Variants in MANBA observed in about 807,000 individuals in gnomAD.
MANBA encodes mannosidase beta.
A neutral mutation model predicts 111.1 loss-of-function variants in MANBA; 83 were observed. That is an observed-to-expected ratio of 0.75 (90% CI 0.63 to 0.90). The LOEUF is 0.90. MANBA is among the 40% of genes least tolerant of loss of function. MANBA has a pLI of 0.00. For missense variants in MANBA, 1,036 were observed against 1,069.0 expected (o/e 0.97, Z 0.43); for synonymous variants, 370 against 378.7 (o/e 0.98, Z 0.27).
At chr4:102,641,000 T>G (rs1729856319) in intron 13 of MANBA, among the ~76,000 whole-genome samples, 1 of 152,204 alleles carries the variant, frequency 6.6e-6, no homozygotes, top group Admixed American at 6.5e-5. Context: ...CATATGGAGC[T>G]TATCAGCTTG....
rs1729412820 is a variant in MANBA at position 102,632,214 on chromosome 4, A to C, written c.2483T>G (p.Val828Gly). ...TGGGATGCTTCCTACATCCAACCAA[A>C]CAAAGGGAGCGACAGCTGAGGTCTC... ...DLETSAVAPF[V>G]WLDVGSIPGR... The change falls in exon 17 of 17, where the codon GTT becomes GGT. Residue 828 changes from valine to glycine, a missense_variant. Transcript: ENST00000647097. The C allele has an allele frequency of 3.1e-6, 5 of 1,613,752 alleles. No individual in the cohort carries two copies. In the South Asian group the frequency reaches 3.3e-5, roughly 11 times the overall value.
Position 102,689,665 on chromosome 4 carries a change from C to T in MANBA, c.869G>A (p.Trp290Ter). Residue 290 changes from tryptophan (W) to a stop codon, truncating the protein, a stop_gained, in exon 7 of 17, where the codon TGG becomes TAG. Coordinates refer to ENST00000647097, the MANE Select transcript of MANBA (RefSeq NM_005908.4). LOFTEE classifies it high-confidence loss of function. ...NISKNITVET[W>*]WPHGHGNQTG... ...CTGGTTTCCATGTCCATGAGGCCAC[C>T]AAGTTTCTACAGTAATATTCTTTTA... The T allele has an allele frequency of 6.3e-7, 1 of 1,595,438 alleles. No individual in the cohort carries two copies.
Position 102,664,718 on chromosome 4 carries a change from G to C in MANBA, c.1452C>G (p.Leu484=). 1 of 1,613,256 alleles carries C rather than the reference G, an allele frequency of 6.2e-7. No individual in the cohort carries two copies. The change falls in exon 11 of 17, where the codon CTC becomes CTG. Residue 484 remains leucine (L), a synonymous_variant. Coordinates refer to ENST00000647097, the MANE Select transcript of MANBA (RefSeq NM_005908.4). ...CGAGCTCTCTGATGTTTTTCACATAGAGTGTCACATAGTCCTTGATGTAGA... is the reference window on the plus strand; with the variant it reads ...CGAGCTCTCTGATGTTTTTCACATACAGTGTCACATAGTCCTTGATGTAGA... ...RPIYIKDYVT[L]YVKNIRELVL... is the part of the protein sequence containing the mutation.
intron 11 of MANBA, among the ~76,000 whole-genome samples, chr4:102,663,452 G>T (rs907628339): frequency 6.6e-5 from 10 of 152,048 alleles, no homozygotes; most frequent in Non-Finnish European, 1.3e-4. Flanking sequence ...TCAATATTGT[G>T]AATAAAAAGA....
chr4:102,733,822 T>A (rs1723114334), intron 1 of MANBA, among the ~76,000 whole-genome samples: 1 of 152,264 alleles, frequency 6.6e-6, no homozygotes, highest in South Asian at 2.1e-4. Context: ...ATGGATGCTT[T>A]CCTGATTCAT....
chr4:102,653,220 GCACACA>G (rs71596357), intron 12 of MANBA, among the ~76,000 whole-genome samples: 9,219 of 145,346 alleles, frequency 0.063, 307 homozygotes, highest in East Asian at 0.1. Flanking sequence ...AGATCTACAT[GCACACA>G]CACACACACA....
chr4:102,730,323 C>A (rs1722985805), intron 1 of MANBA, among the ~76,000 whole-genome samples: 1 of 152,150 alleles, frequency 6.6e-6, no homozygotes. Flanking sequence ...GATTTATCCA[C>A]ATTTCTCATG....
In MANBA at chr4:102,690,727, C is replaced by G. The variant is rs776952322; in HGVS notation, c.718G>C (p.Asp240His). ...EWNLEIESTF[D>H]VVSSKPVGGQ... ...CCAACTGGCTTTGAGCTGACAACAT[C>G]AAATGTAGACTCTATTTCCAGATTC... is the stretch of plus-strand genomic sequence containing the variant. The change falls in exon 6 of 17, where the codon GAT becomes CAT. Residue 240 changes from aspartate (D) to histidine (H), a missense_variant. Coordinates refer to ENST00000647097, the MANE Select transcript of MANBA (RefSeq NM_005908.4). The G allele has an allele frequency of 1.9e-6, 3 of 1,596,466 alleles. No homozygotes were observed. In the African/African-American group the frequency reaches 4.0e-5, roughly 21 times the overall value.
intron 1 of MANBA, among the ~76,000 whole-genome samples, chr4:102,750,669 T>G (rs1356558384): frequency 6.6e-6 from 1 of 152,168 alleles, no homozygotes; most frequent in Non-Finnish European, 1.5e-5. Flanking sequence ...TCCCTACACT[T>G]TGGGAGGCCG....
intron 2 of MANBA, among the ~76,000 whole-genome samples, chr4:102,724,933 G>A (rs1229478021): frequency 1.3e-5 from 2 of 152,334 alleles, no homozygotes; most frequent in African/African-American, 4.8e-5. Context: ...CAACATGGAT[G>A]AACTTTGAAA....
intron 12 of MANBA, among the ~76,000 whole-genome samples, chr4:102,652,438 G>A (rs904945782): frequency 3.9e-5 from 6 of 151,998 alleles, no homozygotes; most frequent in South Asian, 2.1e-4. Flanking sequence ...CTTTAGTTAC[G>A]TGGGAGGCTT....
intron 1 of MANBA, among the ~76,000 whole-genome samples, chr4:102,755,065 A>C (rs1723956688): frequency 6.6e-6 from 1 of 152,206 alleles, no homozygotes. Context: ...TTATAGATTC[A>C]ACGCCATCCC....
intron 14 of MANBA, 67 bp from the exon 15 acceptor site, chr4:102,636,074 C>T: frequency 7.0e-7 from 1 of 1,437,952 alleles, no homozygotes; most frequent in Non-Finnish European, 9.8e-7. Context: ...GTCCAATGGC[C>T]CAGCTGTTTG....
chr4:102,757,066 A>T (rs1237416549), intron 1 of MANBA, among the ~76,000 whole-genome samples: 1 of 152,144 alleles, frequency 6.6e-6, no homozygotes, highest in African/African-American at 2.4e-5. Flanking sequence ...ACGGTGGCTC[A>T]TGCCTGTAAT....
Position 102,752,145 on chromosome 4 carries a change from A to C in MANBA, c.177+8573T>G. 5 of 773,950 alleles carry C rather than the reference A, an allele frequency of 6.5e-6. No homozygotes were observed. The South Asian group carries it at 6.7e-5, about 10-fold the overall frequency. 47.9% of individuals were successfully genotyped at this position (773,950 alleles called of 1,614,324 possible). A position where few individuals can be genotyped will look rare whatever the true frequency, so the allele number is the denominator to read the frequency against. ...ACTCCCATAGTGACCCTCTCTGGTC[A>C]CAAGGAAGCAATTTCCTCAGTTCTG... On this transcript the variant is annotated intron_variant, in intron 1 of 16. Coordinates refer to ENST00000647097, the MANE Select transcript of MANBA (RefSeq NM_005908.4).
intron 14 of MANBA, among the ~76,000 whole-genome samples, chr4:102,636,709 G>A (rs1452938376): frequency 1.3e-5 from 2 of 152,148 alleles, no homozygotes; most frequent in African/African-American, 2.4e-5. Context: ...TAACCTTTTT[G>A]TCTAATAAGT....
At position 102,744,529 on chromosome 4, in the gene MANBA, G is replaced by T. The variant is rs4376141; in HGVS notation, c.177+16189C>A. 6.4e-3 allele frequency among the ~76,000 whole-genome samples: 978 copies of T among 152,308 alleles called. 8 individuals carry two copies. The highest frequency in any genetic ancestry group is 9.0e-3 in the Non-Finnish European group (611 of 68,024). On this transcript the variant is annotated intron_variant, in intron 1 of 16. Coordinates refer to ENST00000647097, the MANE Select transcript of MANBA (RefSeq NM_005908.4). ...TGGCCTTGCTAGCTGAAGGCAAATT[G>T]CTTCTGGTGGGCCTTATGGACAGGA...
chr4:102,738,016 T>C (rs72937838), intron 1 of MANBA, among the ~76,000 whole-genome samples: 12,066 of 152,178 alleles, frequency 0.079, 1,272 homozygotes, highest in African/African-American at 0.25. Context: ...ACCTCTATGG[T>C]CCTGCCCATC....
At chr4:102,703,254 T>C (rs1339717955) in intron 5 of MANBA, among the ~76,000 whole-genome samples, 2 of 152,194 alleles carry the variant, frequency 1.3e-5, no homozygotes, top group Admixed American at 1.3e-4. Flanking sequence ...AAACTGCCTT[T>C]GCAAAGTTAT....
Sources: gnomAD v4.1 joint callset for allele counts (sites outside exome capture counted in the v4.1 genomes callset) on GRCh38, gnomAD v4.1.1 for gene constraint, MANE v1.5 for transcripts, NCBI Gene and HGNC (gene_info 2026-07-23, HGNC 2026-07-21) for gene names.